The following KALRN variants were observed in gnomAD, a reference collection of about 807,000 sequenced individuals.
KALRN encodes kalirin RhoGEF kinase.
Under a neutral mutation model 353.7 loss-of-function variants are expected in KALRN, and 70 were observed. The observed-to-expected ratio is 0.20, with a 90% CI of 0.16 to 0.24. KALRN has a LOEUF of 0.24. KALRN is among the 10% of genes least tolerant of loss of function. The pLI is 1.00. For missense variants in KALRN, 2,791 were observed against 3,756.7 expected (o/e 0.74, Z 6.72); for synonymous variants, 1,391 against 1,434.8 (o/e 0.97, Z 0.69).
At chr3:124,478,714 G>A (rs1046565136) in intron 27 of KALRN, among the ~76,000 whole-genome samples, 1 of 152,168 alleles carries the variant, frequency 6.6e-6, no homozygotes, top group African/African-American at 2.4e-5. Flanking sequence ...GGATGCTTCT[G>A]TTGATTATTC....
rs556182972 is a variant in KALRN at position 124,693,937 on chromosome 3, A to G, written c.7405+106A>G. The G allele has an allele frequency of 7.0e-5, 54 of 773,312 alleles. No individual in the cohort carries two copies. The East Asian group carries it at 1.4e-3, about 19-fold the overall frequency. 47.9% of individuals were successfully genotyped at this position (773,312 alleles called of 1,614,324 possible). A position where few individuals can be genotyped will look rare whatever the true frequency, so the allele number is the denominator to read the frequency against. On this transcript the variant is annotated intron_variant, in intron 52 of 59. Coordinates refer to ENST00000682506, the MANE Select transcript of KALRN (RefSeq NM_001388419.1). ...GTAAGCAATGGTGATATAGTTCTGT[A>G]TCAATGGACAAGGAAAGAGGTTTAT...
At position 124,398,715 on chromosome 3, in the gene KALRN, C is replaced by T. The variant is rs1268172633; in HGVS notation, c.2190C>T (p.Asn730=). The change falls in exon 13 of 60, where the codon AAC becomes AAT. Residue 730 remains asparagine, a synonymous_variant. Transcript: ENST00000682506. ...GCCACAGGGACTCGGCTGTGTCCAA[C>T]AACAAAACACCCCACAGCAGCTCCA... The part of the protein sequence containing the change: ...PSEARDSAVS[N]NKTPHSSSIS... The T allele has an allele frequency of 2.5e-6, 4 of 1,614,154 alleles. No homozygotes were observed. Among genetic ancestry groups the T allele is most frequent in the African/African-American group, 1.3e-5 (1 of 75,028 alleles).
intron 1 of KALRN, among the ~76,000 whole-genome samples, chr3:124,212,490 A>G (rs2076985278): frequency 6.6e-6 from 1 of 152,104 alleles, no homozygotes; most frequent in African/African-American, 2.4e-5. Flanking sequence ...ATTTATACCT[A>G]TTTCAAGTTT....
intron 19 of KALRN, among the ~76,000 whole-genome samples, chr3:124,442,787 C>T (rs1172072345): frequency 1.3e-5 from 2 of 152,038 alleles, no homozygotes; most frequent in Admixed American, 6.6e-5. Flanking sequence ...GAGTTCAAGA[C>T]CAGCCTGGGC....
chr3:124,182,834 T>C lies in KALRN; in HGVS notation c.74-45156T>C, dbSNP rs565060856. On this transcript the variant is annotated intron_variant, in intron 1 of 59. Transcript: ENST00000682506. ...ATGCCTGGGTTCCAAGTGCTCCTTA[T>C]CTATGCTGACCAAAACCGCATCTTC... 8.5e-5 allele frequency among the ~76,000 whole-genome samples: 13 copies of C among 152,336 alleles called. No homozygotes were observed. In the South Asian group the frequency reaches 2.7e-3, roughly 32 times the overall value.
At chr3:124,165,045 A>T (rs2070605067) in intron 1 of KALRN, among the ~76,000 whole-genome samples, 1 of 152,158 alleles carries the variant, frequency 6.6e-6, no homozygotes, top group Non-Finnish European at 1.5e-5. Context: ...TTCTGTTCAG[A>T]GTTTCTAGGT....
chr3:124,630,008 C>T (rs995210003), intron 34 of KALRN, among the ~76,000 whole-genome samples: 1 of 152,146 alleles, frequency 6.6e-6, no homozygotes, highest in Non-Finnish European at 1.5e-5. Context: ...GTGCAACTTT[C>T]GAATGCCCAG....
intron 1 of KALRN, among the ~76,000 whole-genome samples, chr3:124,189,530 A>G (rs1025430141): frequency 1.3e-5 from 2 of 152,154 alleles, no homozygotes; most frequent in African/African-American, 4.8e-5. Flanking sequence ...GGGCCAAGCA[A>G]GGTGGCTCAT....
chr3:124,695,133 C>T (rs939577974), intron 53 of KALRN, among the ~76,000 whole-genome samples: 10 of 152,268 alleles, frequency 6.6e-5, no homozygotes, highest in African/African-American at 1.2e-4. Context: ...GAAAAAGAAA[C>T]GACTAATTCT....
intron 1 of KALRN, among the ~76,000 whole-genome samples, chr3:124,083,678 G>C (rs1479373900): frequency 6.6e-6 from 1 of 152,244 alleles, no homozygotes; most frequent in African/African-American, 2.4e-5. Context: ...ACAACTGTTA[G>C]AATTGGCATT....
rs2084206910 is a variant in KALRN at position 124,657,433 on chromosome 3, C to T, written c.5863-15C>T. ...TGTGAAAATATGCTACTAACCATTGCCTTTGCTGCTGCAGGGCTTCATGAA... is the reference window on the plus strand; with the variant it reads ...TGTGAAAATATGCTACTAACCATTGTCTTTGCTGCTGCAGGGCTTCATGAA... On this transcript the variant is annotated splice_polypyrimidine_tract_variant and intron_variant, in intron 39 of 59. Transcript: ENST00000682506. The T allele has an allele frequency of 6.3e-7, 1 of 1,584,022 alleles. No homozygotes were observed. The highest frequency in any genetic ancestry group is 1.1e-5 in the South Asian group (1 of 90,396).
At chr3:124,285,106 A>G (rs916852443) in intron 5 of KALRN, among the ~76,000 whole-genome samples, 1 of 152,154 alleles carries the variant, frequency 6.6e-6, no homozygotes, top group African/African-American at 2.4e-5. Flanking sequence ...TCTCTCCTCA[A>G]TTTCGTTGGT....
At chr3:124,229,251 T>C (rs567670204) in intron 2 of KALRN, among the ~76,000 whole-genome samples, 4 of 152,282 alleles carry the variant, frequency 2.6e-5, no homozygotes, top group African/African-American at 9.6e-5. Context: ...ACCCCTGATA[T>C]AATTGAAGCC....
intron 5 of KALRN, among the ~76,000 whole-genome samples, chr3:124,274,323 C>T (rs2074471567): frequency 6.6e-6 from 1 of 152,228 alleles, no homozygotes; most frequent in African/African-American, 2.4e-5. Flanking sequence ...ATCGAAACTC[C>T]CATCTGCCTT....
At position 124,347,184 on chromosome 3, in the gene KALRN, C is replaced by T. The variant is rs764517247; in HGVS notation, c.1689C>T (p.Ser563=). 54 of 1,613,704 alleles carry T rather than the reference C, an allele frequency of 3.3e-5. No individual in the cohort carries two copies. Among genetic ancestry groups the T allele is most frequent in the Non-Finnish European group, 4.4e-5 (52 of 1,179,962 alleles). The change falls in exon 10 of 60, where the codon AGC becomes AGT. Residue 563 remains serine, a synonymous_variant. Transcript: ENST00000682506. Reference sequence around the variant, plus strand: ...AAAACCATGGTGAGGCCTTTCTCAGCAAACACACTGGAGTTGGGAAGTCCC... The same window carrying T: ...AAAACCATGGTGAGGCCTTTCTCAGTAAACACACTGGAGTTGGGAAGTCCC... The part of the protein sequence containing the change: ...WIENHGEAFL[S]KHTGVGKSLH...
chr3:124,078,631 CATCTCGAGGGCTTGCTGGAAGA>C (rs2060382657), intron 1 of KALRN, among the ~76,000 whole-genome samples: 1 of 152,246 alleles, frequency 6.6e-6, no homozygotes, highest in South Asian at 2.1e-4. Context: ...ATAGTCCTAA[CATCTCGAGGGCTTGCTGGAAGA>C]AGAGGTCTTC....
chr3:124,114,686 C>T (rs2063307911), intron 1 of KALRN, among the ~76,000 whole-genome samples: 1 of 152,168 alleles, frequency 6.6e-6, no homozygotes, highest in South Asian at 2.1e-4. Flanking sequence ...GCTGACAATG[C>T]TTTGTGAGCA....
rs143843046 is a variant in KALRN, at chr3:124,483,507, G to A, written c.4284+607G>A. 9.2e-3 allele frequency among the ~76,000 whole-genome samples: 1,406 copies of A among 152,242 alleles called. 13 individuals carry two copies. The highest frequency in any genetic ancestry group is 0.015 in the South Asian group (73 of 4,810). The stretch of plus-strand genomic sequence containing the variant: ...GCGGAGGTTGCAGTGATCCGAGATC[G>A]TGTCACTGAACTGCAGCCTGGGTGA... On this transcript the variant is annotated intron_variant, in intron 28 of 59. Transcript: ENST00000682506.
chr3:124,182,215 G>T lies in KALRN; in HGVS notation c.74-45775G>T, dbSNP rs571458312. 2.0e-5 allele frequency among the ~76,000 whole-genome samples: 3 copies of T among 152,146 alleles called. No individual in the cohort carries two copies. In the East Asian group the frequency reaches 5.8e-4, roughly 29 times the overall value. On this transcript the variant is annotated intron_variant, in intron 1 of 59. Coordinates refer to ENST00000682506, the MANE Select transcript of KALRN (RefSeq NM_001388419.1). ...GTAACAAATTGCTCCAAAACTTAAC[G>T]GCTTGAAATAACACACATTTATTGT...
Sources: gnomAD v4.1 joint callset for allele counts (sites outside exome capture counted in the v4.1 genomes callset) on GRCh38, gnomAD v4.1.1 for gene constraint, MANE v1.5 for transcripts, NCBI Gene and HGNC (gene_info 2026-07-23, HGNC 2026-07-21) for gene names.